Variants in VTI1A observed in about 807,000 individuals in gnomAD.
The protein encoded by VTI1A is vesicle transport through interaction with t-SNAREs 1A.
A neutral mutation model predicts 34.9 loss-of-function variants in VTI1A; 22 were observed. The observed-to-expected ratio is 0.63, with a 90% CI of 0.45 to 0.90. The LOEUF (loss-of-function observed/expected upper bound fraction) is 0.90. Among genes scored for constraint, VTI1A ranks in the 40% least tolerant of loss-of-function variants. VTI1A has a pLI of 0.00. For missense variants in VTI1A, 268 were observed against 275.6 expected (o/e 0.97, Z 0.20); for synonymous variants, 87 against 97.3 (o/e 0.89, Z 0.62).
chr10:112,540,805 G>GA (rs1187562610), intron 5 of VTI1A, among the ~76,000 whole-genome samples: 1 of 152,186 alleles, frequency 6.6e-6, no homozygotes, highest in Non-Finnish European at 1.5e-5. Flanking sequence ...CTTTGGAAAG[G>GA]AAAAACTTTC....
At chr10:112,674,337 G>T (rs1488750667) in intron 7 of VTI1A, among the ~76,000 whole-genome samples, 1 of 152,162 alleles carries the variant, frequency 6.6e-6, no homozygotes, top group East Asian at 1.9e-4. Flanking sequence ...AACAGATTTA[G>T]GATCTGAGCT....
intron 5 of VTI1A, among the ~76,000 whole-genome samples, chr10:112,572,197 CTGCCACTT>C (rs1484532592): frequency 6.6e-6 from 1 of 152,232 alleles, no homozygotes; most frequent in Non-Finnish European, 1.5e-5. Flanking sequence ...AAATCCTGCT[CTGCCACTT>C]TGCTAGCTGT....
chr10:112,611,990 C>T (rs867706958), intron 5 of VTI1A, among the ~76,000 whole-genome samples: 3 of 152,166 alleles, frequency 2.0e-5, no homozygotes, highest in South Asian at 2.1e-4. Context: ...GTCCGCCCGC[C>T]TCGGCCTCCG....
chr10:112,485,391 C>T (rs1179190125), intron 3 of VTI1A: 1 of 152,048 alleles, frequency 6.6e-6, no homozygotes, highest in Non-Finnish European at 1.5e-5. Flanking sequence ...ATGTTCATTG[C>T]CAGAGAAGAG....
intron 5 of VTI1A, among the ~76,000 whole-genome samples, chr10:112,627,147 T>A (rs915783758): frequency 1.3e-5 from 2 of 152,180 alleles, no homozygotes; most frequent in Admixed American, 6.5e-5. Context: ...GGATGATTTT[T>A]AAAAAATAAA....
At chr10:112,552,092 G>T (rs1851381962) in intron 5 of VTI1A, among the ~76,000 whole-genome samples, 1 of 152,026 alleles carries the variant, frequency 6.6e-6, no homozygotes. Flanking sequence ...AATGTATTAT[G>T]TGCTAAAAAT....
At chr10:112,831,632 C>A in the VTI1A span, 1 of 152,164 alleles carries the variant, frequency 6.6e-6, no homozygotes, top group Non-Finnish European at 1.5e-5. Context: ...GTACACTAAA[C>A]GTAAAACTTT....
chr10:112,505,175 T>G (rs1467011900), intron 3 of VTI1A, among the ~76,000 whole-genome samples: 1 of 152,180 alleles, frequency 6.6e-6, no homozygotes, highest in Admixed American at 6.5e-5. Flanking sequence ...AGTTATGCTT[T>G]TAGAGTCATA....
the VTI1A span, among the ~76,000 whole-genome samples, chr10:112,847,269 C>T: frequency 2.0e-4 from 31 of 152,212 alleles, no homozygotes; most frequent in African/African-American, 6.5e-4. Context: ...TTGGAGCAGC[C>T]GCTAATCTCC....
At chr10:112,597,410 G>T (rs1455959225) in intron 5 of VTI1A, among the ~76,000 whole-genome samples, 2 of 152,036 alleles carry the variant, frequency 1.3e-5, no homozygotes, top group Admixed American at 6.6e-5. Flanking sequence ...TAGAGACAGG[G>T]TTTCTCCATG....
At chr10:112,631,885 G>A (rs1238411691) in intron 5 of VTI1A, among the ~76,000 whole-genome samples, 1 of 152,196 alleles carries the variant, frequency 6.6e-6, no homozygotes, top group Non-Finnish European at 1.5e-5. Context: ...TCTGGGACCA[G>A]AGAACCCTTT....
At chr10:112,523,463 AT>A (rs1356299121) in intron 3 of VTI1A, among the ~76,000 whole-genome samples, 1 of 152,086 alleles carries the variant, frequency 6.6e-6, no homozygotes, top group African/African-American at 2.4e-5. Flanking sequence ...CGATCTGTAG[AT>A]TTTCTTTCTA....
At chr10:112,461,924 C>T (rs779775426) in intron 2 of VTI1A, among the ~76,000 whole-genome samples, 4 of 152,202 alleles carry the variant, frequency 2.6e-5, no homozygotes, top group Non-Finnish European at 5.9e-5. Context: ...TCATGTTAGC[C>T]AGGCTGGTCT....
At chr10:112,727,633 T>C (rs769615410) in intron 7 of VTI1A, among the ~76,000 whole-genome samples, 8 of 152,290 alleles carry the variant, frequency 5.3e-5, no homozygotes, top group Non-Finnish European at 5.9e-5. Context: ...ACATGTTGTA[T>C]GAATTAACAA....
chr10:112,842,048 TTC>T, the VTI1A span, among the ~76,000 whole-genome samples: 8 of 135,798 alleles, frequency 5.9e-5, no homozygotes, highest in African/African-American at 8.8e-5. Context: ...TTTTTTTTTT[TTC>T]CTTTTTTTTT....
chr10:112,569,019 G>T (rs1020917453), intron 5 of VTI1A, among the ~76,000 whole-genome samples: 1 of 152,014 alleles, frequency 6.6e-6, no homozygotes, highest in East Asian at 1.9e-4. Flanking sequence ...TCCGGGTGTG[G>T]TGGTTTGCAC....
intron 5 of VTI1A, among the ~76,000 whole-genome samples, chr10:112,596,881 C>CT (rs1418785058): frequency 2.6e-5 from 4 of 152,088 alleles, no homozygotes; most frequent in African/African-American, 9.7e-5. Context: ...TTGTGGTATA[C>CT]TTTTTTCAAA....
intron 5 of VTI1A, among the ~76,000 whole-genome samples, chr10:112,585,823 C>T (rs942984484): frequency 2.0e-5 from 3 of 151,978 alleles, no homozygotes; most frequent in African/African-American, 7.2e-5. Context: ...TTGGGTGTTT[C>T]GGACAGACAG....
chr10:112,623,038 G>C (rs563552881), intron 5 of VTI1A, among the ~76,000 whole-genome samples: 4 of 152,160 alleles, frequency 2.6e-5, no homozygotes, highest in African/African-American at 9.7e-5. Context: ...TCAGGATTGG[G>C]TGGTACACCT....
Sources: allele counts gnomAD v4.1 joint callset (sites outside exome capture counted in the v4.1 genomes callset), GRCh38; gene constraint gnomAD v4.1.1; transcripts MANE v1.5; gene names NCBI Gene and HGNC (gene_info 2026-07-23, HGNC 2026-07-21).